Variants in RAB4A observed in about 807,000 individuals in gnomAD.
RAB4A encodes RAB4A, member RAS oncogene family.
A neutral mutation model predicts 34.5 loss-of-function variants in RAB4A; 20 were observed. That is an observed-to-expected ratio of 0.58 (90% CI 0.41 to 0.84). The LOEUF (loss-of-function observed/expected upper bound fraction) is 0.84, where lower values mean the gene tolerates loss of function less well. Among genes scored for constraint, RAB4A ranks in the 40% least tolerant of loss-of-function variants. The pLI is 0.00. For synonymous variants in RAB4A, 102 were observed against 100.0 expected (o/e 1.02, Z -0.12); for missense variants, 228 against 274.5 (o/e 0.83, Z 1.20).
intron 1 of RAB4A, among the ~76,000 whole-genome samples, chr1:229,273,247 C>A (rs753320547): frequency 1.3e-4 from 20 of 152,162 alleles, no homozygotes; most frequent in Non-Finnish European, 2.5e-4. Flanking sequence ...TAAAATAGAG[C>A]TTATCTTTGG....
intron 1 of RAB4A, among the ~76,000 whole-genome samples, chr1:229,272,331 C>G (rs1164328342): frequency 1.3e-5 from 2 of 152,126 alleles, no homozygotes; most frequent in Admixed American, 1.3e-4. Context: ...AGTCCTGTCT[C>G]CATCTGTCCT....
intron 1 of RAB4A, among the ~76,000 whole-genome samples, chr1:229,283,405 C>G (rs1656827698): frequency 6.6e-6 from 1 of 152,204 alleles, no homozygotes; most frequent in Admixed American, 6.5e-5. Flanking sequence ...TCGGCCTTTG[C>G]TGGCATGGGT....
chr1:229,300,779 A>G (rs868688711), intron 6 of RAB4A, among the ~76,000 whole-genome samples: 36 of 152,160 alleles, frequency 2.4e-4, no homozygotes, highest in South Asian at 6.2e-4. Flanking sequence ...CCATCAATAT[A>G]TAGGAACAGC....
At chr1:229,274,132 C>T (rs1357763000) in intron 1 of RAB4A, among the ~76,000 whole-genome samples, 2 of 147,802 alleles carry the variant, frequency 1.4e-5, no homozygotes, top group African/African-American at 5.0e-5. Flanking sequence ...GGCTCACTGC[C>T]ACCTCCATCT....
chr1:229,287,721 A>G (rs979566794), intron 2 of RAB4A, among the ~76,000 whole-genome samples: 6 of 152,122 alleles, frequency 3.9e-5, no homozygotes, highest in African/African-American at 1.2e-4. Flanking sequence ...TCCTAATGGA[A>G]TTTCCATACT....
At chr1:229,271,994 A>G (rs1656497373) in intron 1 of RAB4A, among the ~76,000 whole-genome samples, 1 of 152,114 alleles carries the variant, frequency 6.6e-6, no homozygotes, top group African/African-American at 2.4e-5. Context: ...TAAGACCGTA[A>G]GCACCTTGGA....
At chr1:229,293,120 G>C (rs1328016342) in intron 3 of RAB4A, among the ~76,000 whole-genome samples, 1 of 152,202 alleles carries the variant, frequency 6.6e-6, no homozygotes, top group Non-Finnish European at 1.5e-5. Flanking sequence ...TGTTAGATAG[G>C]TGTCAATTCA....
chr1:229,296,043 G>GC, intron 4 of RAB4A, 133 bp downstream of exon 4: 1 of 793,990 alleles, frequency 1.3e-6, no homozygotes, highest in South Asian at 1.8e-5. Context: ...CATCCAGGAA[G>GC]CCCCTTAGCC....
chr1:229,285,118 C>G (rs1656888679), intron 1 of RAB4A, among the ~76,000 whole-genome samples: 1 of 152,312 alleles, frequency 6.6e-6, no homozygotes, highest in Admixed American at 6.5e-5. Flanking sequence ...GATACACCCT[C>G]CTCAGTGTCG....
At position 229,271,187 on chromosome 1, in the gene RAB4A, C is replaced by G; in HGVS notation, c.-153C>G. On this transcript the variant is annotated 5_prime_UTR_variant, in exon 1 of 8. Coordinates refer to ENST00000366690, the MANE Select transcript of RAB4A (RefSeq NM_004578.4). ...GCGCGGAGCTGGAGTCCGGCTGGGC[C>G]GCAGCCGCTGGGAGACCGGCGGTTG... 1.4e-6 allele frequency: 1 copy of G among 722,346 alleles called. No individual in the cohort carries two copies. Among genetic ancestry groups the G allele is most frequent in the Non-Finnish European group, 1.9e-6 (1 of 528,662 alleles). 44.7% of individuals were successfully genotyped at this position (722,346 alleles called of 1,614,324 possible).
At position 229,299,003 on chromosome 1, in the gene RAB4A, C is replaced by T; in HGVS notation, c.472C>T (p.Leu158Phe). Reference sequence around the variant, plus strand: ...GCTGATGTTTTTGGAAACAAGTGCGCTCACAGGGGAGAATGTAGAAGAGGC... The same window carrying T: ...GCTGATGTTTTTGGAAACAAGTGCGTTCACAGGGGAGAATGTAGAAGAGGC... ...NELMFLETSA[L>F]TGENVEEAFV... Residue 158 changes from leucine (L) to phenylalanine (F), a missense_variant, in exon 6 of 8, where the codon CTC (leucine) becomes TTC (phenylalanine). Leu to Phe is a conservative substitution (Grantham distance 22). Transcript: ENST00000366690. 6.2e-7 allele frequency: 1 copy of T among 1,609,868 alleles called. No individual in the cohort carries two copies. Among genetic ancestry groups the T allele is most frequent in the Non-Finnish European group, 8.5e-7 (1 of 1,179,102 alleles).
At position 229,299,012 on chromosome 1, in the gene RAB4A, GAGAATGT is replaced by G; in HGVS notation, c.486_492del (p.Asn162LysfsTer36). The G allele has an allele frequency of 6.2e-7, 1 of 1,611,478 alleles. No homozygotes were observed. Among genetic ancestry groups the G allele is most frequent in the Non-Finnish European group, 8.5e-7 (1 of 1,179,462 alleles). On this transcript the variant is annotated frameshift_variant, in exon 6 of 8. Coordinates refer to ENST00000366690, the MANE Select transcript of RAB4A (RefSeq NM_004578.4). LOFTEE classifies it high-confidence loss of function. ...TTTGGAAACAAGTGCGCTCACAGGG[GAGAATGT>G]AGAAGAGGCTTTTGTACAGTGTGCA...
At chr1:229,274,083 C>G (rs1268286511) in intron 1 of RAB4A, among the ~76,000 whole-genome samples, 1 of 139,962 alleles carries the variant, frequency 7.1e-6, no homozygotes, top group Non-Finnish European at 1.5e-5. Context: ...GACAGGACCT[C>G]GCTCTGTCAC....
intron 5 of RAB4A, among the ~76,000 whole-genome samples, chr1:229,298,122 A>G (rs368768629): frequency 1.3e-5 from 2 of 152,232 alleles, no homozygotes; most frequent in East Asian, 1.9e-4. Context: ...TGAAAATGCC[A>G]CATAAAATTA....
intron 1 of RAB4A, among the ~76,000 whole-genome samples, chr1:229,273,560 C>T (rs983432252): frequency 6.6e-6 from 1 of 152,120 alleles, no homozygotes; most frequent in Non-Finnish European, 1.5e-5. Context: ...GCCAACATGG[C>T]GAAACCCCAG....
chr1:229,294,907 T>C (rs918791758), intron 3 of RAB4A, among the ~76,000 whole-genome samples: 2 of 151,976 alleles, frequency 1.3e-5, no homozygotes, highest in African/African-American at 2.4e-5. Context: ...TTCTGTTTTG[T>C]GTTTTAAGAT....
intron 3 of RAB4A, among the ~76,000 whole-genome samples, chr1:229,294,846 G>A (rs1479437934): frequency 1.3e-5 from 2 of 152,190 alleles, no homozygotes; most frequent in Non-Finnish European, 2.9e-5. Context: ...ACAGTTGGAT[G>A]TGGAGAAGAG....
At chr1:229,299,956 G>A (rs567629463) in intron 6 of RAB4A, among the ~76,000 whole-genome samples, 8 of 152,284 alleles carry the variant, frequency 5.3e-5, no homozygotes, top group African/African-American at 1.7e-4. Flanking sequence ...ATATAAGGAA[G>A]AGTGAGCCAG....
chr1:229,296,472 T>G lies in RAB4A; in HGVS notation c.290+562T>G, dbSNP rs373995005. 2.0e-5 allele frequency among the ~76,000 whole-genome samples: 3 copies of G among 152,302 alleles called. No homozygotes were observed. In the South Asian group the frequency reaches 6.2e-4, roughly 32 times the overall value. On this transcript the variant is annotated intron_variant, in intron 4 of 7. Coordinates refer to ENST00000366690, the MANE Select transcript of RAB4A (RefSeq NM_004578.4). ...GTAGCTGTTTGTGACATATGGCAATTTAACTGAAATAAAAAATTCTGTTCC... is the reference window on the plus strand; with the variant it reads ...GTAGCTGTTTGTGACATATGGCAATGTAACTGAAATAAAAAATTCTGTTCC...
Sources: gnomAD v4.1 joint callset for allele counts (sites outside exome capture counted in the v4.1 genomes callset) on GRCh38, gnomAD v4.1.1 for gene constraint, MANE v1.5 for transcripts, NCBI Gene and HGNC (gene_info 2026-07-23, HGNC 2026-07-21) for gene names.